Variants in GPC5 observed in about 807,000 individuals in gnomAD.
The protein encoded by GPC5 is glypican 5.
Under a neutral mutation model 53.9 loss-of-function variants are expected in GPC5, and 47 were observed. That is an observed-to-expected ratio of 0.87 (90% confidence interval 0.69 to 1.11). The LOEUF is 1.11. Ranked by LOEUF, GPC5 falls within the 50% of genes most tolerant of loss-of-function variation. The pLI, the probability that GPC5 is intolerant of heterozygous loss-of-function variation, is 0.00. For missense variants in GPC5, 748 were observed against 713.1 expected, an observed-to-expected ratio of 1.05 and a Z score of -0.56; for synonymous variants, 286 against 263.3, an observed-to-expected ratio of 1.09 and a Z score of -0.84.
intron 5 of GPC5, among the ~76,000 whole-genome samples, chr13:91,903,426 G>T (rs570471029): frequency 6.6e-6 from 1 of 152,054 alleles, no homozygotes; most frequent in Non-Finnish European, 1.5e-5. Context: ...GTTAGATTTA[G>T]CATACGTGGG....
At chr13:92,479,907 T>C (rs76321250) in intron 7 of GPC5, among the ~76,000 whole-genome samples, 1 of 152,188 alleles carries the variant, frequency 6.6e-6, no homozygotes, top group East Asian at 1.9e-4. Flanking sequence ...TTTCTCAATA[T>C]AGGTCCTGGT....
intron 7 of GPC5, among the ~76,000 whole-genome samples, chr13:92,205,607 T>C (rs772637025): frequency 4.6e-5 from 7 of 152,220 alleles, no homozygotes; most frequent in Non-Finnish European, 7.3e-5. Context: ...TCTGGGCTTT[T>C]GGCCAAGCCT....
chr13:92,028,835 A>G (rs939422720), intron 6 of GPC5, among the ~76,000 whole-genome samples: 1 of 152,180 alleles, frequency 6.6e-6, no homozygotes, highest in Non-Finnish European at 1.5e-5. Flanking sequence ...GTGAGAGTTG[A>G]AAGGCTGTAT....
chr13:91,991,119 A>G (rs1306924197), intron 6 of GPC5, among the ~76,000 whole-genome samples: 1 of 152,206 alleles, frequency 6.6e-6, no homozygotes, highest in Non-Finnish European at 1.5e-5. Context: ...AACTCAGCCT[A>G]ATGAAGACAC....
chr13:91,784,709 A>G (rs2037850902), intron 5 of GPC5, among the ~76,000 whole-genome samples: 1 of 137,364 alleles, frequency 7.3e-6, no homozygotes, highest in African/African-American at 2.8e-5. Flanking sequence ...GGGCAACAAG[A>G]GCGAAACTCC....
intron 2 of GPC5, among the ~76,000 whole-genome samples, chr13:91,660,993 C>A (rs1463534507): frequency 6.6e-6 from 1 of 152,144 alleles, no homozygotes; most frequent in Admixed American, 6.5e-5. Flanking sequence ...AGCTTACATT[C>A]TTTTGAGAAA....
At position 91,766,802 on chromosome 13, in the gene GPC5, G is replaced by T. The variant is rs577956501; in HGVS notation, c.1280+10382G>T. ...TTGAACCCGGGAGGTGGAGGTTGCA[G>T]TGAGCCGAGACTGCACCACTGCACT... On this transcript the variant is annotated intron_variant, in intron 5 of 7. Coordinates refer to ENST00000377067, the MANE Select transcript of GPC5 (RefSeq NM_004466.6). Among the ~76,000 whole-genome samples the T allele has an allele frequency of 7.5e-4, 114 of 152,314 alleles. 1 individual carries two copies. The highest frequency in any genetic ancestry group is 2.7e-3 in the African/African-American group (111 of 41,572).
At chr13:92,711,601 C>T (rs973611003) in intron 7 of GPC5, among the ~76,000 whole-genome samples, 1 of 152,020 alleles carries the variant, frequency 6.6e-6, no homozygotes, top group African/African-American at 2.4e-5. Flanking sequence ...TGTCTCTAAT[C>T]TACTTTATAG....
chr13:92,796,871 G>A (rs1416561268), intron 7 of GPC5, among the ~76,000 whole-genome samples: 1 of 151,728 alleles, frequency 6.6e-6, no homozygotes, highest in Non-Finnish European at 1.5e-5. Flanking sequence ...AACTTTTAAT[G>A]AAAAATCAAT....
At chr13:92,122,884 T>C (rs1354192193) in intron 6 of GPC5, among the ~76,000 whole-genome samples, 1 of 152,038 alleles carries the variant, frequency 6.6e-6, no homozygotes, top group Non-Finnish European at 1.5e-5. Context: ...AAGCAATTTT[T>C]ACAAATGATT....
intron 7 of GPC5, among the ~76,000 whole-genome samples, chr13:92,300,001 G>GT (rs1284360042): frequency 1.3e-5 from 2 of 152,086 alleles, no homozygotes; most frequent in East Asian, 1.9e-4. Context: ...CATTGTTACT[G>GT]TTTTTTAAAT....
intron 5 of GPC5, among the ~76,000 whole-genome samples, chr13:91,821,182 G>A (rs1157028103): frequency 6.6e-6 from 1 of 152,090 alleles, no homozygotes; most frequent in African/African-American, 2.4e-5. Context: ...ATTTCTTGGA[G>A]ATATCTCACA....
At chr13:91,512,889 C>T (rs1191029326) in intron 2 of GPC5, among the ~76,000 whole-genome samples, 1 of 152,050 alleles carries the variant, frequency 6.6e-6, no homozygotes, top group African/African-American at 2.4e-5. Flanking sequence ...TACAGCTTAT[C>T]CAGCTTGGTT....
intron 7 of GPC5, among the ~76,000 whole-genome samples, chr13:92,698,184 A>G (rs984484392): frequency 7.9e-5 from 12 of 151,688 alleles, no homozygotes; most frequent in Middle Eastern, 3.4e-3. Context: ...TTTTAATTAT[A>G]CTTTAAGATT....
chr13:91,977,912 G>C (rs566331665), intron 6 of GPC5, among the ~76,000 whole-genome samples: 1 of 144,300 alleles, frequency 6.9e-6, no homozygotes, highest in African/African-American at 2.6e-5. Flanking sequence ...AGGAGTTCAA[G>C]ACCAGCCTTG....
chr13:92,641,558 T>A (rs1161127612), intron 7 of GPC5, among the ~76,000 whole-genome samples: 3 of 152,224 alleles, frequency 2.0e-5, no homozygotes, highest in Non-Finnish European at 4.4e-5. Context: ...TTTATTATCT[T>A]CAGATGCTTA....
intron 7 of GPC5, among the ~76,000 whole-genome samples, chr13:92,227,302 CA>C (rs893728587): frequency 6.6e-6 from 1 of 152,044 alleles, no homozygotes; most frequent in African/African-American, 2.4e-5. Flanking sequence ...TTGAAAAACG[CA>C]AACAAAAAAA....
chr13:92,446,280 T>C (rs1376278690), intron 7 of GPC5, among the ~76,000 whole-genome samples: 2 of 151,768 alleles, frequency 1.3e-5, no homozygotes, highest in East Asian at 3.9e-4. Context: ...TAACCATCTT[T>C]CTACTCTCTA....
chr13:92,182,726 G>A (rs931216615), intron 7 of GPC5, among the ~76,000 whole-genome samples: 5 of 152,052 alleles, frequency 3.3e-5, no homozygotes, highest in Admixed American at 3.3e-4. Context: ...AAAATTAGCC[G>A]GGCGCGGTGG....
Sources: gnomAD v4.1 joint callset for allele counts (sites outside exome capture counted in the v4.1 genomes callset) on GRCh38, gnomAD v4.1.1 for gene constraint, MANE v1.5 for transcripts, NCBI Gene and HGNC (gene_info 2026-07-23, HGNC 2026-07-21) for gene names.